Variants in ARHGAP42 observed in about 807,000 individuals in gnomAD.
ARHGAP42 encodes Rho GTPase activating protein 42.
A neutral mutation model predicts 125.0 loss-of-function variants in ARHGAP42; 63 were observed. The ratio of observed to expected loss-of-function variants is 0.50; its 90% confidence interval spans 0.41 to 0.62. The LOEUF (loss-of-function observed/expected upper bound fraction) is 0.62. ARHGAP42 is among the 20% of genes least tolerant of loss of function. ARHGAP42 has a pLI of 0.00. For synonymous variants in ARHGAP42, 339 were observed against 351.0 expected, an observed-to-expected ratio of 0.97 and a Z score of 0.38; for missense variants, 766 against 1,024.2, an observed-to-expected ratio of 0.75 and a Z score of 3.44.
At chr11:100,975,396 T>C (rs1212131293) in intron 19 of ARHGAP42, among the ~76,000 whole-genome samples, 2 of 152,188 alleles carry the variant, frequency 1.3e-5, no homozygotes, top group Non-Finnish European at 2.9e-5. Flanking sequence ...TTAATTTAGA[T>C]ATATGTGAAT....
At chr11:100,983,329 G>GT (rs1167457141) in intron 22 of ARHGAP42, among the ~76,000 whole-genome samples, 9 of 152,126 alleles carry the variant, frequency 5.9e-5, no homozygotes, top group Non-Finnish European at 1.3e-4. Flanking sequence ...GAGTTGAACT[G>GT]TTTTACATTT....
intron 1 of ARHGAP42, among the ~76,000 whole-genome samples, chr11:100,711,994 T>G (rs922847983): frequency 6.6e-6 from 1 of 152,228 alleles, no homozygotes; most frequent in African/African-American, 2.4e-5. Flanking sequence ...CATTGTAAAT[T>G]AGTAATATGT....
At chr11:100,714,259 A>G (rs1456762645) in intron 1 of ARHGAP42, among the ~76,000 whole-genome samples, 1 of 152,244 alleles carries the variant, frequency 6.6e-6, no homozygotes, top group East Asian at 1.9e-4. Flanking sequence ...CAATTCTTAA[A>G]TGTTGCAATG....
intron 1 of ARHGAP42, among the ~76,000 whole-genome samples, chr11:100,753,897 C>T (rs1004883712): frequency 1.3e-5 from 2 of 152,310 alleles, no homozygotes; most frequent in Non-Finnish European, 2.9e-5. Flanking sequence ...CTGCAGCCTG[C>T]AGCTTCTTTC....
At chr11:100,816,218 G>T (rs1864262149) in intron 3 of ARHGAP42, among the ~76,000 whole-genome samples, 1 of 152,058 alleles carries the variant, frequency 6.6e-6, no homozygotes, top group Admixed American at 6.6e-5. Context: ...TTTTTTGAGG[G>T]ACTGCCATCC....
At chr11:100,782,560 C>A in intron 2 of ARHGAP42, among the ~76,000 whole-genome samples, 1 of 151,696 alleles carries the variant, frequency 6.6e-6, no homozygotes, top group East Asian at 1.9e-4. Context: ...GAAAAGGAAG[C>A]AGAGTATATA....
intron 4 of ARHGAP42, among the ~76,000 whole-genome samples, chr11:100,884,204 T>C (rs1247520991): frequency 6.6e-6 from 1 of 152,212 alleles, no homozygotes; most frequent in Non-Finnish European, 1.5e-5. Context: ...CAGCTGATTT[T>C]TTTCTAGTCA....
chr11:100,845,449 A>G (rs746563743), intron 3 of ARHGAP42, among the ~76,000 whole-genome samples: 2 of 152,102 alleles, frequency 1.3e-5, no homozygotes, highest in Non-Finnish European at 2.9e-5. Flanking sequence ...GTCACCACTA[A>G]AGAACTTACT....
At chr11:100,902,923 C>T (rs758267364) in intron 4 of ARHGAP42, among the ~76,000 whole-genome samples, 1 of 152,066 alleles carries the variant, frequency 6.6e-6, no homozygotes, top group Non-Finnish European at 1.5e-5. Context: ...ATAAATCTTG[C>T]TTCTTGCTTG....
rs371315987 is a variant in ARHGAP42 at position 100,848,135 on chromosome 11, T to C, written c.313-11419T>C. On this transcript the variant is annotated intron_variant, in intron 3 of 23. Transcript: ENST00000298815. ...GGAAGCTTTGGGGTAAGGTACACTA[T>C]GTCATTAGCTTTGTATCTTTATGTT... Among the ~76,000 whole-genome samples, 70 of 152,342 alleles carry C rather than the reference T, an allele frequency of 4.6e-4. No homozygotes were observed. The South Asian group carries it at 0.013, about 28-fold the overall frequency.
chr11:100,915,048 C>T (rs527689), intron 5 of ARHGAP42, among the ~76,000 whole-genome samples: 109,405 of 151,918 alleles, frequency 0.72, 39,576 homozygotes, highest in South Asian at 0.8. Flanking sequence ...AGTGTGCTTT[C>T]TGTTATTAAC....
At chr11:100,916,612 CTT>C (rs1369811461) in intron 5 of ARHGAP42, among the ~76,000 whole-genome samples, 2 of 152,086 alleles carry the variant, frequency 1.3e-5, no homozygotes, top group East Asian at 1.9e-4. Flanking sequence ...ATTGGGCACA[CTT>C]TTGTTCTCCT....
chr11:100,859,235 G>A (rs201158477), intron 3 of ARHGAP42: 1 of 216,124 alleles, frequency 4.6e-6, no homozygotes, highest in Non-Finnish European at 9.0e-6. Context: ...GTAATTATAG[G>A]TATTTGTAAA....
chr11:100,946,710 T>C (rs595761), intron 10 of ARHGAP42, among the ~76,000 whole-genome samples: 134,103 of 152,012 alleles, frequency 0.88, 59,243 homozygotes, highest in East Asian at 1. Context: ...CACCCCAAAA[T>C]AATGACAATA....
At chr11:100,879,508 C>T (rs1339151994) in intron 4 of ARHGAP42, among the ~76,000 whole-genome samples, 1 of 152,162 alleles carries the variant, frequency 6.6e-6, no homozygotes, top group Non-Finnish European at 1.5e-5. Context: ...TGTTTGTTGT[C>T]TGTTGGCTAA....
At chr11:100,922,473 A>G (rs1356372269) in intron 6 of ARHGAP42, among the ~76,000 whole-genome samples, 1 of 152,174 alleles carries the variant, frequency 6.6e-6, no homozygotes, top group East Asian at 1.9e-4. Flanking sequence ...TTTGCTCTAG[A>G]GTCAGGTGAT....
rs539756405 is a variant in ARHGAP42 at position 100,760,113 on chromosome 11, G to A, written c.155-10230G>A. Among the ~76,000 whole-genome samples, 5 of 152,254 alleles carry A rather than the reference G, an allele frequency of 3.3e-5. No homozygotes were observed. The South Asian group carries it at 8.3e-4, about 25-fold the overall frequency. On this transcript the variant is annotated intron_variant, in intron 1 of 23. Coordinates refer to ENST00000298815, the MANE Select transcript of ARHGAP42 (RefSeq NM_152432.4). Reference sequence around the variant, plus strand: ...AGGAAGCTCTTGCAGACCAGATCTTGGTATCTTAATGTTATTGTAGCCCCT... The same window carrying A: ...AGGAAGCTCTTGCAGACCAGATCTTAGTATCTTAATGTTATTGTAGCCCCT...
chr11:100,829,243 A>G (rs1591216417), intron 3 of ARHGAP42, among the ~76,000 whole-genome samples: 1 of 151,970 alleles, frequency 6.6e-6, no homozygotes, highest in Non-Finnish European at 1.5e-5. Context: ...GCCTGTAATC[A>G]CAGCACTTTG....
chr11:100,729,020 C>T (rs1042425620), intron 1 of ARHGAP42, among the ~76,000 whole-genome samples: 4 of 151,814 alleles, frequency 2.6e-5, no homozygotes, highest in Non-Finnish European at 4.4e-5. Context: ...CTGCCCACCT[C>T]GGCCTTCCAA....
Sources: allele counts gnomAD v4.1 joint callset (sites outside exome capture counted in the v4.1 genomes callset), GRCh38; gene constraint gnomAD v4.1.1; transcripts MANE v1.5; gene names NCBI Gene and HGNC (gene_info 2026-07-23, HGNC 2026-07-21).